NF1: variants seen among roughly 807,000 people sequenced by gnomAD.
NF1 encodes the protein neurofibromin 1, also known as neurofibromin.
Under a neutral mutation model 325.7 loss-of-function variants are expected in NF1, and 122 were observed. That is an observed-to-expected ratio of 0.37 (90% CI 0.32 to 0.44). The LOEUF (loss-of-function observed/expected upper bound fraction) is 0.44. Ranked by LOEUF, NF1 falls within the 20% of genes least tolerant of loss-of-function variation. NF1 has a pLI of 1.00. For missense variants in NF1, 2,140 were observed against 3,415.4 expected (o/e 0.63, Z 9.31); for synonymous variants, 1,091 against 1,186.0 (o/e 0.92, Z 1.65).
chr17:31,270,742 C>T (rs1325629338), intron 36 of NF1, among the ~76,000 whole-genome samples: 1 of 152,154 alleles, frequency 6.6e-6, no homozygotes, highest in African/African-American at 2.4e-5. Context: ...CTAACATTTC[C>T]TAAGTGCTTT....
chr17:31,193,439 C>T (rs2066381823), intron 8 of NF1, among the ~76,000 whole-genome samples: 1 of 152,152 alleles, frequency 6.6e-6, no homozygotes, highest in Admixed American at 6.5e-5. Context: ...CTTCAGATAG[C>T]TGCAACTATA....
rs1597706610 is a variant in NF1 at position 31,221,847 on chromosome 17, C to T, written c.1642-3C>T. The T allele has an allele frequency of 6.2e-7, 1 of 1,600,826 alleles. No homozygotes were observed. The highest frequency in any genetic ancestry group is 8.5e-7 in the Non-Finnish European group (1 of 1,175,464). On this transcript the variant is annotated splice_polypyrimidine_tract_variant and splice_region_variant and intron_variant, in intron 14 of 57. Coordinates refer to ENST00000358273, the MANE Select transcript of NF1 (RefSeq NM_001042492.3). Reference sequence around the variant, plus strand: ...TTGTCTTTCTCTTTTTTAAAAAATTCAGGCTCTGCTGGTTCTTCATCAGTT... The same window carrying T: ...TTGTCTTTCTCTTTTTTAAAAAATTTAGGCTCTGCTGGTTCTTCATCAGTT...
At chr17:31,344,974 T>G (rs959124372) in intron 48 of NF1, among the ~76,000 whole-genome samples, 2 of 151,948 alleles carry the variant, frequency 1.3e-5, no homozygotes, top group African/African-American at 4.8e-5. Flanking sequence ...AATACAAAAA[T>G]TAGGCAGGTG....
intron 27 of NF1, among the ~76,000 whole-genome samples, chr17:31,234,090 G>T (rs2067159629): frequency 6.6e-6 from 1 of 151,978 alleles, no homozygotes; most frequent in Admixed American, 6.6e-5. Flanking sequence ...TTCTCTTCTG[G>T]TATTTTATTT....
intron 36 of NF1, among the ~76,000 whole-genome samples, chr17:31,298,385 G>A (rs1233336498): frequency 2.0e-5 from 3 of 152,054 alleles, no homozygotes; most frequent in African/African-American, 4.8e-5. Flanking sequence ...ATTTAAAAAC[G>A]AGTAATATTT....
At chr17:31,215,436 C>T (rs1025206392) in intron 13 of NF1, among the ~76,000 whole-genome samples, 1 of 152,194 alleles carries the variant, frequency 6.6e-6, no homozygotes, top group Non-Finnish European at 1.5e-5. Context: ...AGACTACCTA[C>T]TAGCTATGTG....
In NF1 at chr17:31,116,729, G is replaced by A. The variant is rs149475796; in HGVS notation, c.60+21360G>A. On this transcript the variant is annotated intron_variant, in intron 1 of 57. Coordinates refer to ENST00000358273, the MANE Select transcript of NF1 (RefSeq NM_001042492.3). ...GTCGCCCAGGCTGGAGTGCAGTGGC[G>A]CCATCTCCGCTCACTGCAAGCTCCG... Among the ~76,000 whole-genome samples, 362 of 151,916 alleles carry A rather than the reference G, an allele frequency of 2.4e-3. 1 individual carries two copies. Among genetic ancestry groups the A allele is most frequent in the Non-Finnish European group, 2.8e-3 (192 of 67,938 alleles).
At chr17:31,246,166 T>C (rs1383791716) in intron 29 of NF1, among the ~76,000 whole-genome samples, 1 of 152,234 alleles carries the variant, frequency 6.6e-6, no homozygotes, top group East Asian at 1.9e-4. Context: ...AAGGCAATTG[T>C]TGAATCCTCA....
chr17:31,143,411 T>C (rs913474301), intron 1 of NF1, among the ~76,000 whole-genome samples: 7 of 151,100 alleles, frequency 4.6e-5, no homozygotes, highest in Admixed American at 4.6e-4. Flanking sequence ...GGACTACAGG[T>C]GCATACCACC....
chr17:31,217,942 A>C (rs2066850537), intron 13 of NF1, among the ~76,000 whole-genome samples: 1 of 146,876 alleles, frequency 6.8e-6, no homozygotes, highest in Non-Finnish European at 1.5e-5. Context: ...TCCGTTTCAA[A>C]AAAAAAAAAA....
In NF1 at chr17:31,359,587, G is replaced by A. The variant is rs138807321; in HGVS notation, c.8160+572G>A. On this transcript the variant is annotated intron_variant, in intron 56 of 57. Coordinates refer to ENST00000358273, the MANE Select transcript of NF1 (RefSeq NM_001042492.3). ...CGATTCTCCTGCCTCAGTCTCCCGA[G>A]TAGCTGAGACTACAGGCATGCAGCA... is the stretch of plus-strand genomic sequence containing the variant. 1,175 of 159,698 alleles carry A rather than the reference G, an allele frequency of 7.4e-3. 19 individuals carry two copies. The highest frequency in any genetic ancestry group is 0.027 in the African/African-American group (1,129 of 41,582). The allele number at this position is 159,698 out of a possible 1,614,324, so 9.9% of individuals were successfully genotyped here. A position where few individuals can be genotyped will look rare whatever the true frequency, so the allele number is the denominator to read the frequency against.
chr17:31,104,178 TACTC>T (rs1912642032), intron 1 of NF1, among the ~76,000 whole-genome samples: 2 of 152,340 alleles, frequency 1.3e-5, no homozygotes, highest in Admixed American at 6.5e-5. Flanking sequence ...TTCTTTAAAT[TACTC>T]AGATTGCTAT....
At chr17:31,317,118 A>G (rs1567891585) in intron 36 of NF1, among the ~76,000 whole-genome samples, 3 of 152,152 alleles carry the variant, frequency 2.0e-5, no homozygotes, top group Non-Finnish European at 2.9e-5. Context: ...CATATAAAAA[A>G]TATTTTTAAA....
chr17:31,133,382 A>G (rs1334566575), intron 1 of NF1: 1 of 152,194 alleles, frequency 6.6e-6, no homozygotes, highest in Admixed American at 6.5e-5. Flanking sequence ...TTCTTTATCC[A>G]TTCAGGACAT....
At chr17:31,110,582 A>G (rs1913309045) in intron 1 of NF1, among the ~76,000 whole-genome samples, 1 of 152,178 alleles carries the variant, frequency 6.6e-6, no homozygotes, top group South Asian at 2.1e-4. Flanking sequence ...TAACTATTCT[A>G]GAGATGTGAA....
chr17:31,237,912 A>G (rs1302669226), intron 29 of NF1, among the ~76,000 whole-genome samples: 1 of 152,178 alleles, frequency 6.6e-6, no homozygotes, highest in East Asian at 1.9e-4. Flanking sequence ...CCACTCTGAC[A>G]TGTCAAGAGC....
Position 31,377,317 on chromosome 17 carries a change from G to T in NF1, c.*3162G>T. ...GTAAAGCAGTTAGTTGCTGCACATG[G>T]ATAACAACAAAAATTTGATTATTCT... On this transcript the variant is annotated 3_prime_UTR_variant, in exon 58 of 58. Coordinates refer to ENST00000358273, the MANE Select transcript of NF1 (RefSeq NM_001042492.3). 1 of 233,404 alleles carries T rather than the reference G, an allele frequency of 4.3e-6. No individual in the cohort carries two copies. Among genetic ancestry groups the T allele is most frequent in the Non-Finnish European group, 8.5e-6 (1 of 117,946 alleles). The allele number at this position is 233,404 out of a possible 1,614,324, so 14.5% of individuals were successfully genotyped here.
chr17:31,119,102 C>G (rs1252125856), intron 1 of NF1, among the ~76,000 whole-genome samples: 1 of 151,942 alleles, frequency 6.6e-6, no homozygotes, highest in Non-Finnish European at 1.5e-5. Flanking sequence ...CCACCACACC[C>G]AGCTAATTTT....
intron 57 of NF1, chr17:31,360,920 T>A (rs776125561): frequency 8.6e-6 from 5 of 582,260 alleles, no homozygotes; most frequent in Non-Finnish European, 1.2e-5. Flanking sequence ...TGTTAAAATG[T>A]CCACATGATA....
Sources: allele counts gnomAD v4.1 joint callset (sites outside exome capture counted in the v4.1 genomes callset), GRCh38; gene constraint gnomAD v4.1.1; transcripts MANE v1.5; gene names NCBI Gene and HGNC (gene_info 2026-07-23, HGNC 2026-07-21).